Variants in MCMDC2 observed in about 807,000 individuals in gnomAD.
The protein encoded by MCMDC2 is minichromosome maintenance domain containing 2, also known as minichromosome maintenance domain-containing protein 2.
A neutral mutation model predicts 75.8 loss-of-function variants in MCMDC2; 54 were observed. The ratio of observed to expected loss-of-function variants is 0.71; its 90% CI spans 0.57 to 0.89. The LOEUF is 0.89. MCMDC2 is among the 40% of genes least tolerant of loss of function. The pLI is 0.00. For missense variants in MCMDC2, 656 were observed against 780.4 expected (o/e 0.84, Z 1.90); for synonymous variants, 249 against 274.6 (o/e 0.91, Z 0.92).
intron 14 of MCMDC2, among the ~76,000 whole-genome samples, chr8:66,918,458 C>T (rs1813402737): frequency 1.3e-5 from 2 of 152,146 alleles, no homozygotes; most frequent in South Asian, 4.1e-4. Context: ...TCTGTCCTTT[C>T]CCCTAGAATG....
intron 10 of MCMDC2, among the ~76,000 whole-genome samples, chr8:66,894,041 C>T (rs902383764): frequency 5.9e-5 from 9 of 152,126 alleles, no homozygotes; most frequent in Admixed American, 3.3e-4. Context: ...CACATGGATG[C>T]CTGTTTTTAC....
At position 66,878,674 on chromosome 8, in the gene MCMDC2, C is replaced by T. The variant is rs867978881; in HGVS notation, c.582C>T (p.Asp194=). The T allele has an allele frequency of 1.9e-5, 30 of 1,567,340 alleles. No homozygotes were observed. The highest frequency in any genetic ancestry group is 2.5e-5 in the Non-Finnish European group (29 of 1,164,504). The change falls in exon 6 of 15, where the codon GAC becomes GAT. Residue 194 remains aspartate (D), a synonymous_variant. Coordinates refer to ENST00000422365, the MANE Select transcript of MCMDC2 (RefSeq NM_173518.5). ...TATGTGCATCTTCACTTCAAGAAGA[C>T]AGAAAATTTAGAGTACTTGGTGGTA... The part of the protein sequence containing the change: ...CNLCASSLQE[D]RKFRVLGDKQ...
chr8:66,884,699 G>A (rs189331783), intron 9 of MCMDC2: 1 of 152,126 alleles, frequency 6.6e-6, no homozygotes, highest in East Asian at 1.9e-4. Flanking sequence ...TGCCGAGATT[G>A]TACCACTTTA....
Position 66,877,340 on chromosome 8 carries a change from T to A in MCMDC2, c.286-9T>A. 1 of 1,565,792 alleles carries A rather than the reference T, an allele frequency of 6.4e-7. No individual in the cohort carries two copies. The highest frequency in any genetic ancestry group is 8.7e-7 in the Non-Finnish European group (1 of 1,148,686). On this transcript the variant is annotated splice_polypyrimidine_tract_variant and intron_variant, in intron 4 of 14. Transcript: ENST00000422365. Reference sequence around the variant, plus strand: ...ATTTTCATTAATACCATTTTTATGTTCTTATTAGATTAATATAGTGCTGAA... The same window carrying A: ...ATTTTCATTAATACCATTTTTATGTACTTATTAGATTAATATAGTGCTGAA...
rs1401063819 is a variant in MCMDC2 at position 66,905,346 on chromosome 8, A to G, written c.1879+11A>G. 1 of 1,447,726 alleles carries G rather than the reference A, an allele frequency of 6.9e-7. No individual in the cohort carries two copies. 89.7% of individuals were successfully genotyped at this position (1,447,726 alleles called of 1,614,324 possible). A position where few individuals can be genotyped will look rare whatever the true frequency, so the allele number is the denominator to read the frequency against. On this transcript the variant is annotated intron_variant, in intron 14 of 14. Transcript: ENST00000422365. ...TCACATTGAAATATGGTAATGAATT[A>G]AATTATTAATGATCACTACAAATAA...
rs1269482201 is a variant in MCMDC2, at chr8:66,877,431, C to G, written c.368C>G (p.Thr123Arg). ...CTTTGTGAGTTTCCACTTGATTATA[C>G]ATCTCAGAGATTTTATATGATGCAA... ...LDLCEFPLDY[T>R]SQRFYMMQGI... Residue 123 changes from threonine to arginine, a missense_variant, in exon 5 of 15, where the codon ACA becomes AGA. Coordinates refer to ENST00000422365, the MANE Select transcript of MCMDC2 (RefSeq NM_173518.5). The G allele has an allele frequency of 6.2e-7, 1 of 1,612,792 alleles. No individual in the cohort carries two copies. The highest frequency in any genetic ancestry group is 8.5e-7 in the Non-Finnish European group (1 of 1,179,342).
intron 7 of MCMDC2, among the ~76,000 whole-genome samples, chr8:66,879,422 A>T (rs1173949504): frequency 1.3e-5 from 2 of 152,060 alleles, no homozygotes; most frequent in African/African-American, 4.8e-5. Flanking sequence ...GTGAAATCCC[A>T]TCTCTACTAA....
At chr8:66,878,104 T>C (rs1218035419) in intron 5 of MCMDC2, among the ~76,000 whole-genome samples, 4 of 152,142 alleles carry the variant, frequency 2.6e-5, no homozygotes, top group Non-Finnish European at 5.9e-5. Context: ...TTTCATGACG[T>C]TGTGAGTGAA....
chr8:66,877,945 G>T (rs1346366564), intron 5 of MCMDC2, among the ~76,000 whole-genome samples: 1 of 145,826 alleles, frequency 6.9e-6, no homozygotes, highest in Non-Finnish European at 1.5e-5. Context: ...ACACAAAATA[G>T]AAAAAAATTG....
In MCMDC2 at chr8:66,891,047, ATAAACT is replaced by A. The variant is rs775021013; in HGVS notation, c.1258_1263del (p.Lys420_Leu421del). On this transcript the variant is annotated inframe_deletion, in exon 10 of 15. Coordinates refer to ENST00000422365, the MANE Select transcript of MCMDC2 (RefSeq NM_173518.5). Reference sequence around the variant, plus strand: ...GGAGACTTGGCTTCACACAAAAAAGATAAACTTGAACAGCTTCAAACAGGTAAACAA... The same window carrying A: ...GGAGACTTGGCTTCACACAAAAAAGATGAACAGCTTCAAACAGGTAAACAA... 23 of 1,594,606 alleles carry A rather than the reference ATAAACT, an allele frequency of 1.4e-5. No homozygotes were observed. The highest frequency in any genetic ancestry group is 1.9e-5 in the Non-Finnish European group (22 of 1,175,694).
chr8:66,900,799 A>T (rs893723155), intron 12 of MCMDC2, among the ~76,000 whole-genome samples: 2 of 152,222 alleles, frequency 1.3e-5, no homozygotes, highest in African/African-American at 4.8e-5. Flanking sequence ...TGTGTTCTTT[A>T]AAAGGAAGGA....
At chr8:66,918,348 C>A (rs981677481) in intron 14 of MCMDC2, among the ~76,000 whole-genome samples, 2 of 152,046 alleles carry the variant, frequency 1.3e-5, no homozygotes, top group African/African-American at 4.8e-5. Flanking sequence ...TTGTTTTATG[C>A]AGTTTTAAAT....
intron 4 of MCMDC2, among the ~76,000 whole-genome samples, chr8:66,876,821 C>T (rs1222277668): frequency 6.6e-6 from 1 of 152,020 alleles, no homozygotes; most frequent in African/African-American, 2.4e-5. Flanking sequence ...AGTGCAGTGG[C>T]GCGACCTCGG....
Position 66,905,268 on chromosome 8 carries a change from C to T in MCMDC2, c.1812C>T (p.Asn604=). 6.7e-7 allele frequency: 1 copy of T among 1,500,700 alleles called. No homozygotes were observed. Among genetic ancestry groups the T allele is most frequent in the Non-Finnish European group, 8.9e-7 (1 of 1,121,674 alleles). The allele number at this position is 1,500,700 out of a possible 1,614,324, so 93.0% of individuals were successfully genotyped here. Residue 604 remains asparagine (N), a synonymous_variant, in exon 14 of 15, where the codon AAC becomes AAT. Transcript: ENST00000422365. ...SEAHARLNLR[N]KVLKEDVLIA... ...CCCATGCACGACTGAACTTAAGGAA[C>T]AAAGTGCTTAAAGAAGATGTGCTGA...
chr8:66,896,081 A>T (rs1264271606), intron 10 of MCMDC2, 89 bp from the exon 11 acceptor site: 1 of 1,173,090 alleles, frequency 8.5e-7, no homozygotes, highest in South Asian at 1.4e-5. Context: ...TCTACACAGT[A>T]TAATTATATA....
At chr8:66,885,069 C>G (rs1000408237) in intron 9 of MCMDC2, among the ~76,000 whole-genome samples, 1 of 152,124 alleles carries the variant, frequency 6.6e-6, no homozygotes, top group African/African-American at 2.4e-5. Context: ...CGTGGTGGCT[C>G]AAGCCTGTAA....
At position 66,915,026 on chromosome 8, in the gene MCMDC2, T is replaced by C. The variant is rs951112950; in HGVS notation, c.1880-3977T>C. On this transcript the variant is annotated intron_variant, in intron 14 of 14. Coordinates refer to ENST00000422365, the MANE Select transcript of MCMDC2 (RefSeq NM_173518.5). ...GCTGGGAGAAAAATCAAATTATAGATATAACTTTGAGATATTCTATAGGCT... is the reference window on the plus strand; with the variant it reads ...GCTGGGAGAAAAATCAAATTATAGACATAACTTTGAGATATTCTATAGGCT... Among the ~76,000 whole-genome samples, 7 of 152,118 alleles carry C rather than the reference T, an allele frequency of 4.6e-5. No homozygotes were observed. The East Asian group carries it at 9.7e-4, about 21-fold the overall frequency.
Position 66,919,058 on chromosome 8 carries a change from T to C in MCMDC2, c.1935T>C (p.Asn645=). The C allele has an allele frequency of 6.5e-7, 1 of 1,550,348 alleles. No individual in the cohort carries two copies. Among genetic ancestry groups the C allele is most frequent in the Non-Finnish European group, 8.7e-7 (1 of 1,146,356 alleles). ...PNAVFPFELY[N]EEYLEQRDLY... is the part of the protein sequence containing the mutation. Reference sequence around the variant, plus strand: ...CAGTATTTCCATTTGAACTGTATAATGAAGAATACTTAGAGCAAAGGGATC... The same window carrying C: ...CAGTATTTCCATTTGAACTGTATAACGAAGAATACTTAGAGCAAAGGGATC... The change falls in exon 15 of 15, where the codon AAT becomes AAC. Residue 645 remains asparagine (N), a synonymous_variant. Transcript: ENST00000422365.
chr8:66,922,667 T>C (rs192753679), downstream of MCMDC2: 69 of 359,862 alleles, frequency 1.9e-4, no homozygotes, highest in African/African-American at 1.3e-3. Flanking sequence ...CTACAAGTTT[T>C]TGGAAAACAT....
Sources: gnomAD v4.1 joint callset for allele counts (sites outside exome capture counted in the v4.1 genomes callset) on GRCh38, gnomAD v4.1.1 for gene constraint, MANE v1.5 for transcripts, NCBI Gene and HGNC (gene_info 2026-07-23, HGNC 2026-07-21) for gene names.